Variants in ASB11 observed in about 807,000 individuals in gnomAD.
ASB11 encodes the protein ankyrin repeat and SOCS box protein 11.
Under a neutral mutation model 20.1 loss-of-function variants are expected in ASB11, and 17 were observed. That is an observed-to-expected ratio of 0.85 (90% CI 0.58 to 1.27). ASB11 has a LOEUF of 1.27. Ranked by LOEUF, ASB11 falls within the 50% of genes most tolerant of loss-of-function variation. The pLI is 0.00. For missense variants in ASB11, 259 were observed against 256.9 expected, an observed-to-expected ratio of 1.01 and a Z score of -0.06; for synonymous variants, 107 against 105.6, an observed-to-expected ratio of 1.01 and a Z score of -0.08.
chrX:15,310,207 G>A (rs1336720415), intron 1 of ASB11, among the ~76,000 whole-genome samples: 1 of 110,445 alleles, frequency 9.1e-6, no homozygotes, highest in East Asian at 2.8e-4. Context: ...GCAAACTGGA[G>A]CTAATTGTGA....
In ASB11 at chrX:15,312,425, A is replaced by AAAAAAC. The variant is rs1381198292; in HGVS notation, c.181+2999_181+3000insGTTTTT. Among the ~76,000 whole-genome samples the AAAAAAC allele has an allele frequency of 3.8e-5, 4 of 105,866 alleles. No homozygotes were observed. The South Asian group carries it at 1.7e-3, about 45-fold the overall frequency. 91.9% of individuals were successfully genotyped at this position (105,866 alleles called of 115,157 possible). The stretch of plus-strand genomic sequence containing the variant: ...CCCACCCGCCCACTGCACAAAAAAA[A>AAAAAAC]AAAAAAAAAAACAACTTTCCAAAAG... On this transcript the variant is annotated intron_variant, in intron 1 of 6. Transcript: ENST00000480796.
intron 3 of ASB11, among the ~76,000 whole-genome samples, chrX:15,295,248 G>A (rs1022981874): frequency 2.7e-5 from 3 of 110,044 alleles, no homozygotes; most frequent in African/African-American, 9.9e-5. Context: ...TCACCATGTT[G>A]GCCAGGATGG....
At chrX:15,302,889 G>A in intron 1 of ASB11, 82 bp from the exon 2 acceptor site, 1 of 885,670 alleles carries the variant, frequency 1.1e-6, no homozygotes, top group Non-Finnish European at 1.6e-6. Flanking sequence ...ACTGTGAGAG[G>A]AGGTTTGGGG....
chrX:15,313,255 C>T (rs994558611), intron 1 of ASB11, among the ~76,000 whole-genome samples: 3 of 110,642 alleles, frequency 2.7e-5, no homozygotes, highest in Admixed American at 9.6e-5. Flanking sequence ...AAAAATTAGC[C>T]GGGCGTGGTG....
At chrX:15,285,161 T>G (rs1390829985) in intron 6 of ASB11, among the ~76,000 whole-genome samples, 2 of 98,061 alleles carry the variant, frequency 2.0e-5, no homozygotes, top group Non-Finnish European at 4.2e-5. Context: ...TTTTTTTTTT[T>G]GACAGAATCT....
chrX:15,297,711 A>G, intron 2 of ASB11, 30 bp from the exon 3 acceptor site: 1 of 1,172,069 alleles, frequency 8.5e-7, no homozygotes, highest in Non-Finnish European at 1.2e-6. Flanking sequence ...GAGTTTATTT[A>G]TTTTTTACAG....
At chrX:15,294,904 A>G (rs1920954774) in intron 3 of ASB11, among the ~76,000 whole-genome samples, 1 of 112,188 alleles carries the variant, frequency 8.9e-6, no homozygotes, top group Non-Finnish European at 1.9e-5. Flanking sequence ...ACGTCAACAA[A>G]CATTTATTGA....
At chrX:15,301,371 G>T (rs764965101) in intron 2 of ASB11, among the ~76,000 whole-genome samples, 1 of 112,424 alleles carries the variant, frequency 8.9e-6, no homozygotes, top group African/African-American at 3.2e-5. Flanking sequence ...ATAAGCAAGT[G>T]ATAAAATCAG....
chrX:15,292,218 C>T (rs1927553810), intron 4 of ASB11, among the ~76,000 whole-genome samples: 1 of 111,621 alleles, frequency 9.0e-6, no homozygotes, highest in Non-Finnish European at 1.9e-5. Flanking sequence ...TCTTTTGCAT[C>T]ATTTAAAGTA....
At chrX:15,285,539 G>A (rs1167115681) in intron 6 of ASB11, among the ~76,000 whole-genome samples, 1 of 111,639 alleles carries the variant, frequency 9.0e-6, no homozygotes, top group Non-Finnish European at 1.9e-5. Context: ...CCTAGTCCTA[G>A]AAACATTTTT....
chrX:15,296,835 G>C (rs755036363), intron 3 of ASB11, among the ~76,000 whole-genome samples: 1 of 111,713 alleles, frequency 9.0e-6, no homozygotes, highest in East Asian at 2.8e-4. Flanking sequence ...TAAAAACAGA[G>C]ATACCATATG....
At chrX:15,300,897 G>A (rs1262351074) in intron 2 of ASB11, among the ~76,000 whole-genome samples, 1 of 111,579 alleles carries the variant, frequency 9.0e-6, no homozygotes, top group Non-Finnish European at 1.9e-5. Context: ...GAGAAGAGGT[G>A]GGTGGGAGAC....
At chrX:15,284,030 A>C (rs1291508040) in intron 6 of ASB11, among the ~76,000 whole-genome samples, 1 of 109,096 alleles carries the variant, frequency 9.2e-6, no homozygotes, top group South Asian at 4.0e-4. Context: ...AGGTGGGCGG[A>C]TCACGAGGTC....
intron 1 of ASB11, among the ~76,000 whole-genome samples, chrX:15,304,226 G>A (rs759277106): frequency 8.9e-6 from 1 of 112,134 alleles, no homozygotes; most frequent in South Asian, 3.7e-4. Context: ...ATAACTGAAG[G>A]CCTTAAGGAA....
At chrX:15,312,507 CAAA>C (rs66828848) in intron 1 of ASB11, among the ~76,000 whole-genome samples, 5 of 61,850 alleles carry the variant, frequency 8.1e-5, no homozygotes, top group Non-Finnish European at 1.2e-4. Context: ...ATGCAGCTTC[CAAA>C]AAAAAAAAAA....
chrX:15,300,072 A>G (rs2147696461), intron 2 of ASB11, among the ~76,000 whole-genome samples: 1 of 112,797 alleles, frequency 8.9e-6, no homozygotes, highest in East Asian at 2.8e-4. Flanking sequence ...ATCTAATAAG[A>G]GTTAGAAAAA....
At chrX:15,303,188 C>T (rs1921129747) in intron 1 of ASB11, among the ~76,000 whole-genome samples, 1 of 111,094 alleles carries the variant, frequency 9.0e-6, no homozygotes, top group African/African-American at 3.3e-5. Context: ...TGCCTTCCAC[C>T]TTCATCCACA....
intron 1 of ASB11, chrX:15,314,307 T>C: frequency 1.8e-6 from 2 of 1,094,275 alleles, no homozygotes; most frequent in East Asian, 3.2e-5. Flanking sequence ...CATGCTTAAC[T>C]TGAAACTTAT....
chrX:15,304,082 T>C (rs1021720937), intron 1 of ASB11, among the ~76,000 whole-genome samples: 13 of 113,005 alleles, frequency 1.2e-4, no homozygotes, highest in Middle Eastern at 4.6e-3. Context: ...TAGAATGTAA[T>C]ATAATTTGGA....
Sources: gnomAD v4.1 joint callset for allele counts (sites outside exome capture counted in the v4.1 genomes callset) on GRCh38, gnomAD v4.1.1 for gene constraint, MANE v1.5 for transcripts, NCBI Gene and HGNC (gene_info 2026-07-23, HGNC 2026-07-21) for gene names.